The following GUSB variants were observed in gnomAD, a reference collection of about 807,000 sequenced individuals.
GUSB encodes beta-glucuronidase.
GUSB carries 51 observed loss-of-function variants against 74.6 expected under a neutral mutation model. That is an observed-to-expected ratio of 0.68 (90% CI 0.55 to 0.86). The LOEUF (loss-of-function observed/expected upper bound fraction) is 0.86, where lower values mean the gene tolerates loss of function less well. Among genes scored for constraint, GUSB ranks in the 40% least tolerant of loss-of-function variants. The pLI, the probability that GUSB is intolerant of heterozygous loss-of-function variation, is 0.00. For synonymous variants in GUSB, 360 were observed against 348.3 expected (o/e 1.03, Z -0.37); for missense variants, 736 against 853.7 (o/e 0.86, Z 1.72).
At position 65,976,117 on chromosome 7, in the gene GUSB, C is replaced by T; in HGVS notation, c.810G>A (p.Val270=). The change falls in exon 5 of 12, where the codon GTG becomes GTA. Residue 270 remains valine (V), a synonymous_variant. Coordinates refer to ENST00000304895, the MANE Select transcript of GUSB (RefSeq NM_000181.4). ...GGCCCTGGGTCCCAGTCCCATTCGC[C>T]ACGACTTTGTTTTCTGCATCCAAAA... is the stretch of plus-strand genomic sequence containing the variant. ...VRLLDAENKV[V]ANGTGTQGQL... is the part of the protein sequence containing the mutation. The T allele has an allele frequency of 6.2e-7, 1 of 1,613,970 alleles. No individual in the cohort carries two copies. The highest frequency in any genetic ancestry group is 8.5e-7 in the Non-Finnish European group (1 of 1,179,958).
At chr7:65,975,178 C>T (rs1011767984) in intron 5 of GUSB, 107 bp from the exon 6 acceptor site, 2 of 957,910 alleles carry the variant, frequency 2.1e-6, no homozygotes, top group Non-Finnish European at 1.7e-6. Flanking sequence ...TGCCTCTGGG[C>T]CTGTAAGCAG....
chr7:65,978,605 TA>T (rs540646816), intron 4 of GUSB, among the ~76,000 whole-genome samples: 1 of 147,306 alleles, frequency 6.8e-6, no homozygotes, highest in Admixed American at 6.8e-5. Flanking sequence ...CTGTCTCTAC[TA>T]AAAAAAAATA....
chr7:65,974,254 C>T (rs377217843), intron 8 of GUSB, 41 bp downstream of exon 8: 12 of 1,609,634 alleles, frequency 7.5e-6, no homozygotes, highest in Middle Eastern at 1.6e-4. Context: ...CTGCCAGGGT[C>T]TCCTTCCCAC....
intron 11 of GUSB, 25 bp downstream of exon 11, chr7:65,964,298 T>C: frequency 6.2e-7 from 1 of 1,603,020 alleles, no homozygotes; most frequent in Non-Finnish European, 8.5e-7. Flanking sequence ...GGGTACGTTA[T>C]CCCATGAGCC....
intron 10 of GUSB, among the ~76,000 whole-genome samples, chr7:65,965,937 A>G (rs939274719): frequency 1.3e-5 from 2 of 151,832 alleles, no homozygotes; most frequent in Non-Finnish European, 2.9e-5. Flanking sequence ...TTGGGAGGCC[A>G]AGGCGGGCGG....
In GUSB at chr7:65,974,585, C is replaced by A. The variant is rs149761698; in HGVS notation, c.1185G>T (p.Met395Ile). 6.2e-7 allele frequency: 1 copy of A among 1,614,098 alleles called. No homozygotes were observed. Among genetic ancestry groups the A allele is most frequent in the African/African-American group, 1.3e-5 (1 of 74,954 alleles). The part of the protein sequence containing the change: ...HYPYAEEVMQ[M>I]CDRYGIVVID... ...TGACCACAATCCCATAGCGGTCACA[C>A]ATCTGCATCACTTCCTCTGCATAGG... The change falls in exon 7 of 12, where the codon ATG becomes ATT. Residue 395 changes from methionine (M) to isoleucine (I), a missense_variant. Transcript: ENST00000304895.
chr7:65,974,968 T>A lies in GUSB; in HGVS notation c.1016A>T (p.Asn339Ile). ...ACCGTGGAAATAGAAAGGTTTCCCA[T>A]TGATGAGGAACTGGCTCTTGGTGAC... Reference protein sequence around the residue: ...VAVTKSQFLINGKPFYFHGVN... With the variant: ...VAVTKSQFLIIGKPFYFHGVN... The change falls in exon 6 of 12, where the codon AAT (asparagine) becomes ATT (isoleucine). Residue 339 changes from asparagine (N) to isoleucine (I), a missense_variant. By Grantham distance (149) the Asn-to-Ile change is moderately radical. This residue lies in a region of GUSB where 368 missense variants were observed against 489.9 expected (regional missense o/e 0.75). Transcript: ENST00000304895. The A allele has an allele frequency of 6.2e-7, 1 of 1,613,860 alleles. No homozygotes were observed. Among genetic ancestry groups the A allele is most frequent in the Non-Finnish European group, 8.5e-7 (1 of 1,179,778 alleles).
At chr7:65,973,891 G>A (rs984530531) in intron 8 of GUSB, among the ~76,000 whole-genome samples, 10 of 151,472 alleles carry the variant, frequency 6.6e-5, no homozygotes, top group African/African-American at 2.2e-4. Context: ...AAACTGCACC[G>A]CTGCACTCCA....
intron 9 of GUSB, among the ~76,000 whole-genome samples, chr7:65,969,009 C>T (rs1399123045): frequency 1.3e-5 from 2 of 152,176 alleles, no homozygotes; most frequent in African/African-American, 4.8e-5. Context: ...TTCAGCATAG[C>T]GGTGCTTACA....
chr7:65,980,175 C>A (rs1231359603), intron 2 of GUSB, 49 bp downstream of exon 2: 4 of 903,910 alleles, frequency 4.4e-6, no homozygotes, highest in Non-Finnish European at 5.4e-6. Context: ...CCATGCTGTT[C>A]AGCAGCCGTG....
chr7:65,981,065 G>C (rs1158918536), intron 1 of GUSB, among the ~76,000 whole-genome samples: 1 of 152,182 alleles, frequency 6.6e-6, no homozygotes, highest in Non-Finnish European at 1.5e-5. Context: ...CCCGGGCCCA[G>C]CTCTGTGCAG....
At position 65,982,004 on chromosome 7, in the gene GUSB, C is replaced by T. The variant is rs1306112081; in HGVS notation, c.180G>A (p.Glu60=). 44 of 1,609,556 alleles carry T rather than the reference C, an allele frequency of 2.7e-5. No homozygotes were observed. Among genetic ancestry groups the T allele is most frequent in the Non-Finnish European group, 3.5e-5 (41 of 1,179,376 alleles). ...ACAGCGGCCGCCGGTACCACTGCTC[C>T]TCGAAGCCCCGGCGTCGGTTGTCAG... The part of the protein sequence containing the change: ...DFSDNRRRGF[E]EQWYRRPLWE... The change falls in exon 1 of 12, where the codon GAG becomes GAA. Residue 60 remains glutamate, a synonymous_variant. Coordinates refer to ENST00000304895, the MANE Select transcript of GUSB (RefSeq NM_000181.4).
At chr7:65,963,341 T>TA (rs1790623366) in intron 11 of GUSB, among the ~76,000 whole-genome samples, 1 of 152,186 alleles carries the variant, frequency 6.6e-6, no homozygotes, top group African/African-American at 2.4e-5. Flanking sequence ...TTCTCACTCT[T>TA]ACGCTTTACC....
At position 65,960,856 on chromosome 7, in the gene GUSB, G is replaced by GACTC. The variant is rs1790436039; in HGVS notation, c.*37_*40dup. 3 of 1,571,628 alleles carry GACTC rather than the reference G, an allele frequency of 1.9e-6. No individual in the cohort carries two copies. Among genetic ancestry groups the GACTC allele is most frequent in the Non-Finnish European group, 8.8e-7 (1 of 1,141,694 alleles). On this transcript the variant is annotated 3_prime_UTR_variant, in exon 12 of 12. Transcript: ENST00000304895. Reference sequence around the variant, plus strand: ...GTTCTGCTGCTGTGGAAGTCGCCCTGACTCGGGGAGGAAGGGACACGCAGG... The same window carrying GACTC: ...GTTCTGCTGCTGTGGAAGTCGCCCTGACTCACTCGGGGAGGAAGGGACACGCAGG...
chr7:65,979,285 T>A, intron 4 of GUSB, 114 bp downstream of exon 4: 1 of 1,046,832 alleles, frequency 9.6e-7, no homozygotes, highest in Non-Finnish European at 1.5e-6. Flanking sequence ...TGGAAGGGAA[T>A]CTGTGAGGGT....
rs142871249 is a variant in GUSB, at chr7:65,963,141, A to G, written c.1789+1182T>C. ...CCAAAGTGCTGGGATCACAGGCTTGAGCCACTGCGCCCAGCCTGCAGCTCA... is the reference window on the plus strand; with the variant it reads ...CCAAAGTGCTGGGATCACAGGCTTGGGCCACTGCGCCCAGCCTGCAGCTCA... On this transcript the variant is annotated intron_variant, in intron 11 of 11. Transcript: ENST00000304895. 1.6e-3 allele frequency among the ~76,000 whole-genome samples: 241 copies of G among 152,154 alleles called. 2 individuals are homozygous for G. The highest frequency in any genetic ancestry group is 5.4e-3 in the African/African-American group (225 of 41,524).
chr7:65,980,271 T>G lies in GUSB; in HGVS notation c.349A>C (p.Thr117Pro). Residue 117 changes from threonine to proline, a missense_variant, in exon 2 of 12, where the codon ACA (threonine) becomes CCA (proline). Physicochemically the swap from Thr to Pro is conservative, Grantham distance 38 (BLOSUM62 -1). Around this residue, in one of 2 missense-constraint regions of GUSB, gnomAD observed 368 missense variants for 363.8 expected, o/e 1.01. Transcript: ENST00000304895. Reference sequence around the variant, plus strand: ...CTGCCAATCCTCAGCACCACTCTTGTGCGCAGGTCCTGGGTCCATCGCTCC... The same window carrying G: ...CTGCCAATCCTCAGCACCACTCTTGGGCGCAGGTCCTGGGTCCATCGCTCC... ...LPERWTQDLR[T>P]RVVLRIGSAH... 1.9e-6 allele frequency: 3 copies of G among 1,566,676 alleles called. No homozygotes were observed. The highest frequency in any genetic ancestry group is 2.6e-6 in the Non-Finnish European group (3 of 1,150,012).
intron 2 of GUSB, 40 bp downstream of exon 2, chr7:65,980,184 T>TGGGGGGGGG (rs752971847): frequency 6.9e-6 from 5 of 720,096 alleles, no homozygotes; most frequent in Non-Finnish European, 1.2e-5. Flanking sequence ...TCAGCAGCCG[T>TGGGGGGGGG]GCCCCCCCAC....
chr7:65,964,313 T>G lies in GUSB; in HGVS notation c.1789+10A>C, dbSNP rs1386704925. ...GGGTACGTTATCCCATGAGCCAAAC[T>G]GCCACTTACACTGTTCAGTCATGAA... On this transcript the variant is annotated intron_variant, in intron 11 of 11. Transcript: ENST00000304895. 4.3e-6 allele frequency: 7 copies of G among 1,610,108 alleles called. No individual in the cohort carries two copies. The highest frequency in any genetic ancestry group is 2.3e-4 in the Middle Eastern group (1 of 4,432).
Sources: allele counts gnomAD v4.1 joint callset (sites outside exome capture counted in the v4.1 genomes callset), GRCh38; gene constraint gnomAD v4.1.1; regional missense constraint gnomAD v4.1.1; transcripts MANE v1.5; gene names NCBI Gene and HGNC (gene_info 2026-07-23, HGNC 2026-07-21).